Variants in ARNT2 observed in about 807,000 individuals in gnomAD.
The protein encoded by ARNT2 is ARNT protein 2.
A neutral mutation model predicts 91.7 loss-of-function variants in ARNT2; 36 were observed. That is an observed-to-expected ratio of 0.39 (90% CI 0.30 to 0.52). The LOEUF (loss-of-function observed/expected upper bound fraction) is 0.52, where lower values mean the gene tolerates loss of function less well. Ranked by LOEUF, ARNT2 falls within the 20% of genes least tolerant of loss-of-function variation. The pLI, the probability that ARNT2 is intolerant of heterozygous loss-of-function variation, is 0.72. For synonymous variants in ARNT2, 365 were observed against 347.1 expected (o/e 1.05, Z -0.57); for missense variants, 775 against 939.3 (o/e 0.83, Z 2.29).
chr15:80,589,874 G>A (rs1893242619), intron 17 of ARNT2, among the ~76,000 whole-genome samples: 1 of 152,140 alleles, frequency 6.6e-6, no homozygotes, highest in Non-Finnish European at 1.5e-5. Flanking sequence ...AGAATCCTAT[G>A]TGCACAGTAG....
chr15:80,549,733 A>G (rs1261027921), intron 8 of ARNT2, among the ~76,000 whole-genome samples: 7 of 152,140 alleles, frequency 4.6e-5, no homozygotes, highest in Non-Finnish European at 1.0e-4. Context: ...GGGGAAGCAG[A>G]CCTCCTATAC....
intron 1 of ARNT2, among the ~76,000 whole-genome samples, chr15:80,438,731 G>C (rs528311251): frequency 6.6e-6 from 1 of 152,254 alleles, no homozygotes; most frequent in East Asian, 1.9e-4. Context: ...GCACTGTCAC[G>C]TGGGCTGCAG....
At chr15:80,484,016 C>T (rs188211839) in intron 5 of ARNT2, among the ~76,000 whole-genome samples, 1 of 152,284 alleles carries the variant, frequency 6.6e-6, no homozygotes, top group East Asian at 1.9e-4. Context: ...GGTCCATTTC[C>T]AAGTGTCAGT....
chr15:80,591,784 C>T lies in ARNT2; in HGVS notation c.2055+80C>T, dbSNP rs1893284788. On this transcript the variant is annotated intron_variant, in intron 18 of 18. Transcript: ENST00000303329. The surrounding 1 kb of genome is among the most constrained non-coding windows in gnomAD (Gnocchi z 5.1). ...CTTTCCCCCTCGGTCTCTGCCGCAC[C>T]ACCGCCTGCCCGATAGCCGTCGTGA... 1.3e-6 allele frequency: 2 copies of T among 1,579,692 alleles called. No individual in the cohort carries two copies. The highest frequency in any genetic ancestry group is 1.2e-5 in the South Asian group (1 of 86,456).
At chr15:80,410,916 A>G (rs954649995) in intron 1 of ARNT2, among the ~76,000 whole-genome samples, 1 of 152,052 alleles carries the variant, frequency 6.6e-6, no homozygotes, top group Admixed American at 6.5e-5. Context: ...AGCTCACCAC[A>G]CGAAACTCTT....
intron 5 of ARNT2, among the ~76,000 whole-genome samples, chr15:80,505,927 G>GTTTTGTTTTTTTTTTT (rs1897267122): frequency 1.1e-5 from 1 of 88,930 alleles, no homozygotes; most frequent in Non-Finnish European, 2.2e-5. Flanking sequence ...AACATTTGTT[G>GTTTTGTTTTTTTTTTT]TTTTTTTTTT....
intron 1 of ARNT2, among the ~76,000 whole-genome samples, chr15:80,405,613 C>T (rs1895588614): frequency 6.6e-6 from 1 of 152,180 alleles, no homozygotes; most frequent in Admixed American, 6.5e-5. Context: ...GACATTTCGG[C>T]TGAACCTTGA....
chr15:80,443,120 A>G (rs1896220350), intron 1 of ARNT2: 2 of 750,118 alleles, frequency 2.7e-6, no homozygotes, highest in South Asian at 6.1e-5. Flanking sequence ...TATTTGAGCA[A>G]AATCTAAATG....
chr15:80,482,745 G>A (rs1450141925), intron 5 of ARNT2, among the ~76,000 whole-genome samples: 1 of 152,078 alleles, frequency 6.6e-6, no homozygotes, highest in Non-Finnish European at 1.5e-5. Flanking sequence ...ACTTCTCAAA[G>A]TGTAGTCCTT....
intron 17 of ARNT2, among the ~76,000 whole-genome samples, chr15:80,589,319 T>A (rs1278631100): frequency 6.7e-6 from 1 of 148,372 alleles, no homozygotes; most frequent in African/African-American, 2.5e-5. Flanking sequence ...TGCACAGGGT[T>A]GAGAAGGGAG....
intron 1 of ARNT2, among the ~76,000 whole-genome samples, chr15:80,432,924 C>T (rs1896030750): frequency 6.6e-6 from 1 of 152,122 alleles, no homozygotes; most frequent in Non-Finnish European, 1.5e-5. Flanking sequence ...AAAAATAACA[C>T]CTTAACTGCT....
intron 3 of ARNT2, among the ~76,000 whole-genome samples, chr15:80,469,527 TTATA>T (rs1219386591): frequency 1.3e-5 from 2 of 150,156 alleles, no homozygotes; most frequent in African/African-American, 4.9e-5. Flanking sequence ...ATACTTATAT[TTATA>T]TATTACATAT....
chr15:80,547,187 A>G (rs1217784966), intron 8 of ARNT2, among the ~76,000 whole-genome samples: 1 of 152,124 alleles, frequency 6.6e-6, no homozygotes, highest in African/African-American at 2.4e-5. Context: ...CTGAGATGTT[A>G]TTTGCTGCTT....
Position 80,591,658 on chromosome 15 carries a change from G to T in ARNT2, c.2009G>T (p.Gly670Val). 6.2e-7 allele frequency: 1 copy of T among 1,614,144 alleles called. No homozygotes were observed. The highest frequency in any genetic ancestry group is 8.5e-7 in the Non-Finnish European group (1 of 1,179,970). The part of the protein sequence containing the change: ...WQSQHHGQQS[G>V]EQHSHQQPGQ... ...AGCCAGCACCATGGCCAGCAGAGCG[G>T]TGAGCAGCACTCCCACCAGCAGCCC... The change falls in exon 18 of 19, where the codon GGT becomes GTT. Residue 670 changes from glycine (G) to valine (V), a missense_variant. Transcript: ENST00000303329. This position sits in a 1 kb window ranked among gnomAD's most constrained non-coding sequence, Gnocchi z 5.1.
At chr15:80,576,519 C>T (rs1487011198) in intron 14 of ARNT2, among the ~76,000 whole-genome samples, 1 of 152,190 alleles carries the variant, frequency 6.6e-6, no homozygotes, top group Admixed American at 6.5e-5. Context: ...TCAAGTGATC[C>T]GCCTGCCTCA....
At chr15:80,481,870 A>G (rs1381483435) in intron 5 of ARNT2, among the ~76,000 whole-genome samples, 1 of 152,108 alleles carries the variant, frequency 6.6e-6, no homozygotes, top group Non-Finnish European at 1.5e-5. Flanking sequence ...TGTAGCTGGG[A>G]CTACAGGTGT....
chr15:80,484,471 T>G (rs1272054517), intron 5 of ARNT2, among the ~76,000 whole-genome samples: 2 of 152,228 alleles, frequency 1.3e-5, no homozygotes, highest in Non-Finnish European at 2.9e-5. Context: ...AACCTCAGCC[T>G]CCTTAGATCT....
intron 9 of ARNT2, 79 bp downstream of exon 9, chr15:80,551,354 G>A: frequency 2.2e-6 from 3 of 1,341,054 alleles, no homozygotes; most frequent in East Asian, 2.3e-5. Flanking sequence ...CGGTTTGGCT[G>A]CCTATTCTGA....
chr15:80,516,161 G>A (rs1411371604), intron 8 of ARNT2, among the ~76,000 whole-genome samples: 3 of 152,148 alleles, frequency 2.0e-5, no homozygotes, highest in African/African-American at 2.4e-5. Flanking sequence ...GTGAGCCACC[G>A]CACCCAGCCA....
Sources: gnomAD v4.1 joint callset for allele counts (sites outside exome capture counted in the v4.1 genomes callset) on GRCh38, gnomAD v4.1.1 for gene constraint, Gnocchi (gnomAD v3.1) non-coding constraint, MANE v1.5 for transcripts, NCBI Gene and HGNC (gene_info 2026-07-23, HGNC 2026-07-21) for gene names.